The following ZNF415 variants were observed in gnomAD, a reference collection of about 807,000 sequenced individuals.
ZNF415 encodes zinc finger protein 415.
A neutral mutation model predicts 7.3 loss-of-function variants in ZNF415; 5 were observed. That is an observed-to-expected ratio of 0.69 (90% CI 0.36 to 1.44). The LOEUF (loss-of-function observed/expected upper bound fraction) is 1.44. Ranked by LOEUF, ZNF415 falls within the 40% of genes most tolerant of loss-of-function variation. ZNF415 has a pLI of 0.04. For missense variants in ZNF415, 628 were observed against 664.8 expected, an observed-to-expected ratio of 0.94 and a Z score of 0.61; for synonymous variants, 207 against 226.3, an observed-to-expected ratio of 0.91 and a Z score of 0.77.
In ZNF415 at chr19:53,116,344, C is replaced by A; in HGVS notation, c.105G>T (p.Met35Ile). The change falls in exon 3 of 4, where the codon ATG becomes ATT. Residue 35 changes from methionine to isoleucine, a missense_variant. Met to Ile is a conservative substitution (Grantham distance 10, BLOSUM62 1). Coordinates refer to ENST00000243643, the MANE Select transcript of ZNF415 (RefSeq NM_018355.4). ...AGACCAGGTTCCTGTAGTTCTCCAA[C>A]ATCACATCCCTGTATAAAGTCCTCT... ...STQRTLYRDV[M>I]LENYRNLVSL... 1 of 1,611,914 alleles carries A rather than the reference C, an allele frequency of 6.2e-7. No individual in the cohort carries two copies. The highest frequency in any genetic ancestry group is 8.5e-7 in the Non-Finnish European group (1 of 1,179,444).
chr19:53,116,600 GTT>G (rs1027660151), intron 2 of ZNF415, among the ~76,000 whole-genome samples, 167 bp from the exon 3 acceptor site: 1 of 129,988 alleles, frequency 7.7e-6, no homozygotes, highest in Non-Finnish European at 1.6e-5. Flanking sequence ...CCTAATTGTG[GTT>G]TTTTTTCTCT....
intron 3 of ZNF415, among the ~76,000 whole-genome samples, chr19:53,112,231 A>C (rs2086342129): frequency 6.6e-6 from 1 of 152,188 alleles, no homozygotes; most frequent in Non-Finnish European, 1.5e-5. Context: ...GGCGTGAGCA[A>C]CCACGCCGGG....
chr19:53,131,042 C>T (rs1260291027), intron 1 of ZNF415, among the ~76,000 whole-genome samples: 1 of 136,502 alleles, frequency 7.3e-6, no homozygotes, highest in Admixed American at 7.3e-5. Flanking sequence ...TTCCTTAAAA[C>T]ATTTTGAGAT....
In ZNF415 at chr19:53,109,631, C is replaced by A; in HGVS notation, c.414G>T (p.Gln138His). The A allele has an allele frequency of 6.2e-7, 1 of 1,614,100 alleles. No homozygotes were observed. The highest frequency in any genetic ancestry group is 2.2e-5 in the East Asian group (1 of 44,870). ...GATGTGGTAGAAAGCTTAATCCAAG[C>A]TGATGTTTAATAGACTTGTTTCCTA... ...RGIGNKSIKHQLGLSFLPHPH... is the reference protein window; with the variant it reads ...RGIGNKSIKHHLGLSFLPHPH... The change falls in exon 4 of 4, where the codon CAG becomes CAT. Residue 138 changes from glutamine to histidine, a missense_variant. By Grantham distance (24) the Gln-to-His change is conservative. Transcript: ENST00000243643.
At chr19:53,113,597 C>A (rs1384556978) in intron 3 of ZNF415, among the ~76,000 whole-genome samples, 1 of 151,392 alleles carries the variant, frequency 6.6e-6, no homozygotes, top group African/African-American at 2.4e-5. Context: ...AGGCATCATT[C>A]AGCTTCACAA....
chr19:53,115,695 A>G (rs754526735), intron 3 of ZNF415: 2 of 1,545,304 alleles, frequency 1.3e-6, no homozygotes, highest in South Asian at 2.4e-5. Context: ...CCCTCATCTG[A>G]GGTCTTACCT....
chr19:53,114,855 G>A (rs2086764346), intron 3 of ZNF415, among the ~76,000 whole-genome samples: 1 of 152,200 alleles, frequency 6.6e-6, no homozygotes, highest in South Asian at 2.1e-4. Context: ...AAGGGCTTGA[G>A]ACAGCTCCTT....
At chr19:53,124,507 C>T in intron 1 of ZNF415, among the ~76,000 whole-genome samples, 1 of 152,164 alleles carries the variant, frequency 6.6e-6, no homozygotes, top group Non-Finnish European at 1.5e-5. Flanking sequence ...GAGATCTGCT[C>T]CCATGACACT....
intron 2 of ZNF415, among the ~76,000 whole-genome samples, chr19:53,117,925 C>A (rs531448139): frequency 1.3e-4 from 20 of 152,074 alleles, no homozygotes; most frequent in Non-Finnish European, 2.5e-4. Flanking sequence ...AACCAGAAAT[C>A]AATTAATAAA....
Position 53,129,801 on chromosome 19 carries a change from G to A in ZNF415, c.-68+3055C>T, listed in dbSNP as rs569838510. 64 of 390,630 alleles carry A rather than the reference G, an allele frequency of 1.6e-4. No individual in the cohort carries two copies. The South Asian group carries it at 8.4e-3, about 51-fold the overall frequency. The allele number at this position is 390,630 out of a possible 1,614,324, so 24.2% of individuals were successfully genotyped here. A position where few individuals can be genotyped will look rare whatever the true frequency, so the allele number is the denominator to read the frequency against. Reference sequence around the variant, plus strand: ...CAGGACTGGCCAGGCATGTTGGCTCGTGCCTGTAATCCCAGCACTTCGAGG... The same window carrying A: ...CAGGACTGGCCAGGCATGTTGGCTCATGCCTGTAATCCCAGCACTTCGAGG... On this transcript the variant is annotated intron_variant, in intron 1 of 3. Coordinates refer to ENST00000243643, the MANE Select transcript of ZNF415 (RefSeq NM_018355.4).
intron 2 of ZNF415, among the ~76,000 whole-genome samples, chr19:53,120,712 C>A (rs577461759): frequency 6.6e-6 from 1 of 152,094 alleles, no homozygotes; most frequent in African/African-American, 2.4e-5. Context: ...AAACTGTTAC[C>A]ATTTTTACCT....
chr19:53,130,962 C>T (rs779831499), intron 1 of ZNF415, among the ~76,000 whole-genome samples: 1 of 151,672 alleles, frequency 6.6e-6, no homozygotes, highest in Non-Finnish European at 1.5e-5. Flanking sequence ...TTTAATGTTC[C>T]TTTTGAGCAA....
intron 2 of ZNF415, among the ~76,000 whole-genome samples, chr19:53,119,444 CAAA>C (rs34688086): frequency 0.021 from 728 of 35,092 alleles, 12 homozygotes; most frequent in African/African-American, 0.077. Flanking sequence ...GACTCCATCT[CAAA>C]AAAAAAAAAA....
chr19:53,122,521 T>C (rs2088279724), intron 2 of ZNF415, 141 bp downstream of exon 2: 4 of 1,595,950 alleles, frequency 2.5e-6, no homozygotes, highest in Non-Finnish European at 3.4e-6. Flanking sequence ...TGAGAAGGAC[T>C]GAGGGAAGGC....
At chr19:53,122,795 CTT>C (rs944916967) in intron 1 of ZNF415, 52 bp from the exon 2 acceptor site, 8 of 1,389,234 alleles carry the variant, frequency 5.8e-6, no homozygotes, top group Admixed American at 1.7e-5. Context: ...CACACCCCCT[CTT>C]GTGTGACAAG....
chr19:53,119,199 A>G (rs532728478), intron 2 of ZNF415, among the ~76,000 whole-genome samples: 32 of 151,788 alleles, frequency 2.1e-4, no homozygotes, highest in East Asian at 5.8e-4. Flanking sequence ...GGAGAATGGC[A>G]TGAACCCAGG....
chr19:53,132,582 A>C (rs907137524), intron 1 of ZNF415, among the ~76,000 whole-genome samples: 11 of 152,186 alleles, frequency 7.2e-5, no homozygotes, highest in Non-Finnish European at 1.2e-4. Context: ...GGACGGGAAT[A>C]CACCTCTTGG....
At chr19:53,116,609 C>CTTTTTTTTTTTTTTTTTTTTT (rs1410295819) in intron 2 of ZNF415, among the ~76,000 whole-genome samples, 176 bp from the exon 3 acceptor site, 1 of 81,118 alleles carries the variant, frequency 1.2e-5, no homozygotes, top group African/African-American at 5.0e-5. Context: ...GGTTTTTTTT[C>CTTTTTTTTTTTTTTTTTTTTT]TCTCTTTTTT....
At chr19:53,117,389 C>T (rs1029807996) in intron 2 of ZNF415, among the ~76,000 whole-genome samples, 5 of 149,658 alleles carry the variant, frequency 3.3e-5, no homozygotes, top group Non-Finnish European at 7.4e-5. Context: ...TGCGGTGAGC[C>T]GAGATCACAC....
Sources: gnomAD v4.1 joint callset for allele counts (sites outside exome capture counted in the v4.1 genomes callset) on GRCh38, gnomAD v4.1.1 for gene constraint, MANE v1.5 for transcripts, NCBI Gene and HGNC (gene_info 2026-07-23, HGNC 2026-07-21) for gene names.